SLC6A11: variants seen among roughly 807,000 people sequenced by gnomAD.
The protein encoded by SLC6A11 is sodium- and chloride-dependent GABA transporter 3.
SLC6A11 carries 25 observed loss-of-function variants against 74.8 expected under a neutral mutation model. The ratio of observed to expected loss-of-function variants is 0.33; its 90% CI spans 0.24 to 0.47. SLC6A11 has a LOEUF of 0.47. Among genes scored for constraint, SLC6A11 ranks in the 20% least tolerant of loss-of-function variants. The pLI is 1.00. For missense variants in SLC6A11, 574 were observed against 837.0 expected (o/e 0.69, Z 3.88); for synonymous variants, 330 against 330.2 (o/e 1.00, Z 0.01).
At chr3:10,844,810 C>T (rs1411110988) in intron 5 of SLC6A11, among the ~76,000 whole-genome samples, 3 of 152,182 alleles carry the variant, frequency 2.0e-5, no homozygotes, top group Non-Finnish European at 4.4e-5. Context: ...GCTGCTTCAT[C>T]TTGCAGCCTT....
At chr3:10,842,364 C>G (rs1694449425) in intron 4 of SLC6A11, among the ~76,000 whole-genome samples, 1 of 152,142 alleles carries the variant, frequency 6.6e-6, no homozygotes, top group South Asian at 2.1e-4. Context: ...CCTTGGGAGC[C>G]ACTTTGCAAA....
intron 8 of SLC6A11, 46 bp from the exon 9 acceptor site, chr3:10,925,958 G>A (rs1223297142): frequency 2.9e-6 from 3 of 1,045,216 alleles, no homozygotes; most frequent in African/African-American, 3.2e-5. Flanking sequence ...AATGATATGA[G>A]GGATGGGACT....
chr3:10,834,289 T>C (rs1694337591), intron 4 of SLC6A11, among the ~76,000 whole-genome samples: 1 of 152,146 alleles, frequency 6.6e-6, no homozygotes, highest in African/African-American at 2.4e-5. Flanking sequence ...GTCGGACTGC[T>C]GTGTGCTGCC....
intron 5 of SLC6A11, among the ~76,000 whole-genome samples, chr3:10,868,574 G>T (rs1694792035): frequency 6.6e-6 from 1 of 152,172 alleles, no homozygotes; most frequent in Admixed American, 6.5e-5. Flanking sequence ...GTGTGTTTTG[G>T]GCAGTGATGC....
chr3:10,881,863 C>G (rs745799583), intron 6 of SLC6A11, among the ~76,000 whole-genome samples: 3 of 152,194 alleles, frequency 2.0e-5, no homozygotes, highest in Non-Finnish European at 4.4e-5. Flanking sequence ...AGACTGATTC[C>G]CAGCTCCCCT....
intron 6 of SLC6A11, among the ~76,000 whole-genome samples, chr3:10,897,585 G>A (rs964795993): frequency 8.5e-5 from 13 of 152,184 alleles, no homozygotes; most frequent in Non-Finnish European, 1.5e-5. Flanking sequence ...TCCTATCCAG[G>A]TCATGCTAAT....
intron 5 of SLC6A11, among the ~76,000 whole-genome samples, chr3:10,868,642 C>T (rs1343716240): frequency 6.6e-6 from 1 of 152,236 alleles, no homozygotes; most frequent in Non-Finnish European, 1.5e-5. Flanking sequence ...CACGCCCACC[C>T]TTCTGGGTCT....
At chr3:10,902,541 C>T (rs1478074127) in intron 6 of SLC6A11, among the ~76,000 whole-genome samples, 2 of 152,248 alleles carry the variant, frequency 1.3e-5, no homozygotes, top group Non-Finnish European at 1.5e-5. Context: ...CTCCACTACA[C>T]ACTTTACATT....
At chr3:10,869,471 G>C (rs1694804154) in intron 5 of SLC6A11, among the ~76,000 whole-genome samples, 1 of 152,272 alleles carries the variant, frequency 6.6e-6, no homozygotes, top group South Asian at 2.1e-4. Context: ...TCCTCTGCCT[G>C]TGGGGACTCA....
chr3:10,824,551 C>T (rs1292390627), intron 4 of SLC6A11: 4 of 152,176 alleles, frequency 2.6e-5, no homozygotes, highest in Non-Finnish European at 5.9e-5. Context: ...GTCTTTCTTG[C>T]ATATTTTTCA....
chr3:10,924,987 G>A (rs559790936), intron 8 of SLC6A11, among the ~76,000 whole-genome samples: 1 of 152,204 alleles, frequency 6.6e-6, no homozygotes, highest in Non-Finnish European at 1.5e-5. Flanking sequence ...CTTCTAGGTA[G>A]AATAGGCAAA....
chr3:10,874,938 C>T, intron 5 of SLC6A11, 23 bp from the exon 6 acceptor site: 1 of 1,580,926 alleles, frequency 6.3e-7, no homozygotes, highest in Admixed American at 1.7e-5. Context: ...CTTCTTGATT[C>T]TGTCCTCTCC....
intron 5 of SLC6A11, among the ~76,000 whole-genome samples, chr3:10,864,363 C>G (rs1469070707): frequency 1.3e-5 from 2 of 151,522 alleles, no homozygotes; most frequent in Non-Finnish European, 2.9e-5. Context: ...GTTTTCCTGT[C>G]AGTATCTGAG....
At chr3:10,836,395 G>C (rs1458555725) in intron 4 of SLC6A11, among the ~76,000 whole-genome samples, 1 of 152,178 alleles carries the variant, frequency 6.6e-6, no homozygotes, top group Non-Finnish European at 1.5e-5. Flanking sequence ...AAATTGCTGG[G>C]TTTTGTGTTT....
intron 4 of SLC6A11, among the ~76,000 whole-genome samples, chr3:10,833,205 G>A (rs918494565): frequency 2.6e-5 from 4 of 152,110 alleles, no homozygotes; most frequent in Non-Finnish European, 5.9e-5. Context: ...AGGATTACAG[G>A]TGCTCGCCAC....
At position 10,926,199 on chromosome 3, in the gene SLC6A11, C is replaced by G. The variant is rs1452914077; in HGVS notation, c.1233+83C>G. ...AGACGCCACCCTTAGGAGTGGCTCC[C>G]CAGGCCCAGCCACTCCCACCTGGCC... On this transcript the variant is annotated intron_variant, in intron 9 of 13. Coordinates refer to ENST00000254488, the MANE Select transcript of SLC6A11 (RefSeq NM_014229.3). This position sits in a 1 kb window ranked among gnomAD's most constrained non-coding sequence, Gnocchi z 5.7. 1 of 803,734 alleles carries G rather than the reference C, an allele frequency of 1.2e-6. No homozygotes were observed. Among genetic ancestry groups the G allele is most frequent in the Non-Finnish European group, 2.0e-6 (1 of 492,390 alleles). The allele number at this position is 803,734 out of a possible 1,614,324, so 49.8% of individuals were successfully genotyped here.
intron 6 of SLC6A11, among the ~76,000 whole-genome samples, chr3:10,878,466 G>A (rs1469577612): frequency 8.1e-5 from 12 of 147,320 alleles, no homozygotes; most frequent in Admixed American, 2.0e-4. Context: ...GTGCAGTGGT[G>A]TGATCTCGGC....
chr3:10,907,353 A>G (rs2629128), intron 6 of SLC6A11, among the ~76,000 whole-genome samples: 106,899 of 151,980 alleles, frequency 0.7, 39,035 homozygotes, highest in African/African-American at 0.89. Flanking sequence ...AAGTCAGAAA[A>G]GAACAAAGAC....
intron 4 of SLC6A11, among the ~76,000 whole-genome samples, chr3:10,826,164 G>GT (rs1455395120): frequency 1.3e-5 from 2 of 152,216 alleles, no homozygotes; most frequent in African/African-American, 2.4e-5. Context: ...TTCTCCATTT[G>GT]TTTATGTCTT....
Sources: gnomAD v4.1 joint callset for allele counts (sites outside exome capture counted in the v4.1 genomes callset) on GRCh38, gnomAD v4.1.1 for gene constraint, Gnocchi (gnomAD v3.1) non-coding constraint, MANE v1.5 for transcripts, NCBI Gene and HGNC (gene_info 2026-07-23, HGNC 2026-07-21) for gene names.